PLXDC2: variants seen among roughly 807,000 people sequenced by gnomAD.
PLXDC2 encodes the protein plexin domain containing 2, also known as plexin domain-containing protein 2.
A neutral mutation model predicts 68.9 loss-of-function variants in PLXDC2; 40 were observed. The ratio of observed to expected loss-of-function variants is 0.58; its 90% CI spans 0.45 to 0.76. The LOEUF (loss-of-function observed/expected upper bound fraction) is 0.76, where lower values mean the gene tolerates loss of function less well. PLXDC2 is among the 30% of genes least tolerant of loss of function. PLXDC2 has a pLI of 0.00. For missense variants in PLXDC2, 644 were observed against 661.9 expected, an observed-to-expected ratio of 0.97 and a Z score of 0.30; for synonymous variants, 243 against 234.2, an observed-to-expected ratio of 1.04 and a Z score of -0.34.
chr10:20,255,808 T>C (rs950862566), intron 13 of PLXDC2, among the ~76,000 whole-genome samples: 1 of 152,092 alleles, frequency 6.6e-6, no homozygotes, highest in South Asian at 2.1e-4. Context: ...TTTGTTATTT[T>C]ATTAGAAGTG....
chr10:20,142,700 T>C (rs774642978), intron 4 of PLXDC2, among the ~76,000 whole-genome samples: 1 of 151,700 alleles, frequency 6.6e-6, no homozygotes, highest in Non-Finnish European at 1.5e-5. Context: ...TGCAAACATA[T>C]AGACTTTATC....
intron 2 of PLXDC2, among the ~76,000 whole-genome samples, chr10:20,021,736 G>T (rs1359262841): frequency 1.3e-5 from 2 of 151,288 alleles, no homozygotes; most frequent in African/African-American, 2.4e-5. Context: ...GTCTCACTCT[G>T]TTGCCCAGGC....
intron 9 of PLXDC2, among the ~76,000 whole-genome samples, chr10:20,190,777 A>T (rs1038862067): frequency 6.6e-6 from 1 of 151,996 alleles, no homozygotes; most frequent in Non-Finnish European, 1.5e-5. Context: ...CATTTAAAAT[A>T]CACGTTCATA....
intron 12 of PLXDC2, among the ~76,000 whole-genome samples, chr10:20,238,046 T>C (rs1326472947): frequency 6.6e-6 from 1 of 151,962 alleles, no homozygotes; most frequent in Non-Finnish European, 1.5e-5. Flanking sequence ...AAATACAGAA[T>C]ATCAATGCCA....
chr10:20,026,120 G>T (rs948075926), intron 2 of PLXDC2, among the ~76,000 whole-genome samples: 2 of 151,986 alleles, frequency 1.3e-5, no homozygotes, highest in African/African-American at 2.4e-5. Flanking sequence ...TTTCATCTGA[G>T]ATGCATAGGT....
chr10:20,146,162 T>C lies in PLXDC2; in HGVS notation c.665-1622T>C, dbSNP rs563729975. On this transcript the variant is annotated intron_variant, in intron 5 of 13. Coordinates refer to ENST00000377252, the MANE Select transcript of PLXDC2 (RefSeq NM_032812.9). ...TTTTCACTGCATCACCAGAGTGCGA[T>C]AGAAACTAGAAAATAAGGAATAGAC... Among the ~76,000 whole-genome samples the C allele has an allele frequency of 2.0e-5, 3 of 152,222 alleles. No individual in the cohort carries two copies. In the East Asian group the frequency reaches 5.8e-4, roughly 29 times the overall value.
At chr10:19,966,547 A>G (rs1395690703) in intron 1 of PLXDC2, among the ~76,000 whole-genome samples, 1 of 151,676 alleles carries the variant, frequency 6.6e-6, no homozygotes, top group Non-Finnish European at 1.5e-5. Flanking sequence ...ACATTTTTAA[A>G]TGGGGTAAAG....
intron 12 of PLXDC2, among the ~76,000 whole-genome samples, chr10:20,232,717 C>T (rs1016979898): frequency 5.9e-5 from 9 of 152,062 alleles, no homozygotes; most frequent in East Asian, 1.9e-4. Context: ...GTTGCCTATG[C>T]GGTGTTGGTC....
chr10:20,004,816 A>G (rs900091780), intron 2 of PLXDC2, among the ~76,000 whole-genome samples: 4 of 152,122 alleles, frequency 2.6e-5, no homozygotes, highest in African/African-American at 9.7e-5. Context: ...GATTCAGCCA[A>G]TTTTTCTACT....
intron 10 of PLXDC2, among the ~76,000 whole-genome samples, chr10:20,214,350 C>T (rs1835108705): frequency 6.6e-6 from 1 of 151,762 alleles, no homozygotes; most frequent in Non-Finnish European, 1.5e-5. Context: ...TGATGTTTTC[C>T]CCCAAAGAAG....
intron 13 of PLXDC2, among the ~76,000 whole-genome samples, chr10:20,249,236 G>A (rs1350692261): frequency 6.6e-6 from 1 of 152,136 alleles, no homozygotes; most frequent in African/African-American, 2.4e-5. Flanking sequence ...GCAGTCAAGT[G>A]GTAACTCGGA....
At chr10:20,238,052 T>C (rs2131885363) in intron 12 of PLXDC2, among the ~76,000 whole-genome samples, 1 of 152,046 alleles carries the variant, frequency 6.6e-6, no homozygotes, top group Middle Eastern at 3.4e-3. Flanking sequence ...AGAATATCAA[T>C]GCCATATGCA....
At chr10:20,209,153 T>C (rs11011872) in intron 9 of PLXDC2, among the ~76,000 whole-genome samples, 68,432 of 151,912 alleles carry the variant, frequency 0.45, 16,215 homozygotes, top group African/African-American at 0.6. Flanking sequence ...ACTAGTCTAA[T>C]CAAAATTTAT....
intron 10 of PLXDC2, among the ~76,000 whole-genome samples, chr10:20,216,141 T>C (rs77563852): frequency 2.0e-5 from 3 of 152,052 alleles, no homozygotes; most frequent in East Asian, 1.9e-4. Flanking sequence ...TAGAGCAAGA[T>C]GCTTGAAGCT....
intron 2 of PLXDC2, among the ~76,000 whole-genome samples, chr10:20,012,854 T>C (rs1835143080): frequency 6.6e-6 from 1 of 152,214 alleles, no homozygotes; most frequent in South Asian, 2.1e-4. Flanking sequence ...GAGCAATGCA[T>C]AGATGTCTGA....
At chr10:20,040,742 G>A (rs1835668958) in intron 2 of PLXDC2, among the ~76,000 whole-genome samples, 1 of 148,040 alleles carries the variant, frequency 6.8e-6, no homozygotes, top group South Asian at 2.1e-4. Context: ...GAGAAATAAA[G>A]CTTTCTTTCC....
chr10:19,913,582 A>T (rs1833313677), intron 1 of PLXDC2, among the ~76,000 whole-genome samples: 1 of 152,156 alleles, frequency 6.6e-6, no homozygotes, highest in Non-Finnish European at 1.5e-5. Context: ...TTGGTAACTT[A>T]AGTCGTTTCT....
intron 6 of PLXDC2, among the ~76,000 whole-genome samples, chr10:20,154,980 C>G (rs1834199598): frequency 1.3e-5 from 2 of 152,050 alleles, no homozygotes; most frequent in African/African-American, 4.8e-5. Context: ...TTTCCTTCAG[C>G]AGCAAATTTT....
At chr10:20,026,149 T>C (rs1452601305) in intron 2 of PLXDC2, among the ~76,000 whole-genome samples, 2 of 152,166 alleles carry the variant, frequency 1.3e-5, no homozygotes, top group Non-Finnish European at 2.9e-5. Context: ...TGGTTCTAGA[T>C]TATGTTATTA....
Sources: gnomAD v4.1 joint callset for allele counts (sites outside exome capture counted in the v4.1 genomes callset) on GRCh38, gnomAD v4.1.1 for gene constraint, MANE v1.5 for transcripts, NCBI Gene and HGNC (gene_info 2026-07-23, HGNC 2026-07-21) for gene names.